The following WDFY3 variants were observed in gnomAD, a reference collection of about 807,000 sequenced individuals.
WDFY3 encodes WD repeat and FYVE domain containing 3.
WDFY3 carries 66 observed loss-of-function variants against 409.6 expected under a neutral mutation model. The ratio of observed to expected loss-of-function variants is 0.16; its 90% CI spans 0.13 to 0.20. The LOEUF is 0.20. WDFY3 is among the 10% of genes least tolerant of loss of function. The pLI is 1.00. For missense variants in WDFY3, 3,031 were observed against 4,298.1 expected (o/e 0.71, Z 8.24); for synonymous variants, 1,521 against 1,537.1 (o/e 0.99, Z 0.25).
chr4:84,826,627 A>G (rs1177197086), intron 10 of WDFY3, among the ~76,000 whole-genome samples, 188 bp downstream of exon 10: 1 of 152,160 alleles, frequency 6.6e-6, no homozygotes, highest in African/African-American at 2.4e-5. Flanking sequence ...ATTTTCAAGT[A>G]TTTGATCTGC....
chr4:84,809,889 G>A lies in WDFY3; in HGVS notation c.2343C>T (p.Asp781=). The A allele has an allele frequency of 6.2e-7, 1 of 1,613,638 alleles. No individual in the cohort carries two copies. The highest frequency in any genetic ancestry group is 8.5e-7 in the Non-Finnish European group (1 of 1,179,728). ...YLYKVATDSF[D]SRAEQIPPCL... Reference sequence around the variant, plus strand: ...CAGAGGACAGAGCAGAGCCATACCTGTCAAAAGAATCTGTGGCTACTTTGT... The same window carrying A: ...CAGAGGACAGAGCAGAGCCATACCTATCAAAAGAATCTGTGGCTACTTTGT... The change falls in exon 14 of 68, where the codon GAC becomes GAT. Residue 781 remains aspartate, a splice_region_variant and synonymous_variant. Coordinates refer to ENST00000295888, the MANE Select transcript of WDFY3 (RefSeq NM_014991.6).
At chr4:84,836,589 G>C (rs1248077044) in intron 7 of WDFY3, among the ~76,000 whole-genome samples, 1 of 151,710 alleles carries the variant, frequency 6.6e-6, no homozygotes, top group African/African-American at 2.4e-5. Context: ...ATAGAATTTT[G>C]AGACATTATA....
At chr4:84,847,484 C>T (rs1364238898) in intron 5 of WDFY3, among the ~76,000 whole-genome samples, 5 of 151,224 alleles carry the variant, frequency 3.3e-5, no homozygotes, top group Admixed American at 1.3e-4. Flanking sequence ...AAACAAGAAA[C>T]CGCCGGGCGC....
At chr4:84,857,241 A>G (rs1467565512) in intron 4 of WDFY3, among the ~76,000 whole-genome samples, 1 of 152,180 alleles carries the variant, frequency 6.6e-6, no homozygotes, top group Non-Finnish European at 1.5e-5. Flanking sequence ...AGGACATAAG[A>G]TAACTAAGTC....
rs975962711 is a variant in WDFY3, at chr4:84,703,081, C to T, written c.8443-575G>A. 8.1e-5 allele frequency among the ~76,000 whole-genome samples: 12 copies of T among 149,024 alleles called. 1 individual carries two copies. In the South Asian group the frequency reaches 2.1e-3, roughly 26 times the overall value. ...CACTGCACTCCAGCCTGGGGGATAG[C>T]GAGACTCTGTCTCAAAAAAAAAAAA... On this transcript the variant is annotated intron_variant, in intron 55 of 67. Transcript: ENST00000295888.
intron 3 of WDFY3, among the ~76,000 whole-genome samples, chr4:84,890,304 T>C (rs1057056358): frequency 6.6e-6 from 1 of 152,180 alleles, no homozygotes; most frequent in Non-Finnish European, 1.5e-5. Flanking sequence ...TTCACTATGT[T>C]GCCCAGGCTG....
intron 2 of WDFY3, among the ~76,000 whole-genome samples, chr4:84,912,284 C>A (rs144423684): frequency 7.9e-5 from 12 of 152,254 alleles, no homozygotes; most frequent in African/African-American, 2.9e-4. Context: ...CAGCTGCCGA[C>A]TATTTCAAGA....
At chr4:84,770,317 C>T (rs542178838) in intron 30 of WDFY3, among the ~76,000 whole-genome samples, 40 of 152,156 alleles carry the variant, frequency 2.6e-4, no homozygotes, top group African/African-American at 8.0e-4. Flanking sequence ...TGTGAGCCAC[C>T]GCGCCCGGCC....
In WDFY3 at chr4:84,692,928, A is replaced by C; in HGVS notation, c.9006T>G (p.Phe3002Leu). The C allele has an allele frequency of 6.2e-7, 1 of 1,613,246 alleles. No homozygotes were observed. Among genetic ancestry groups the C allele is most frequent in the African/African-American group, 1.3e-5 (1 of 75,030 alleles). ...LPGSTSDKIF[F>L]HHLDNLRPSL... is the part of the protein sequence containing the mutation. ...AAGGCCTCAAGTTGTCTAGATGATG[A>C]AAAAAGATCTTGTCACTTGTAGATC... The change falls in exon 59 of 68, where the codon TTT becomes TTG. Residue 3002 changes from phenylalanine to leucine, a missense_variant. Physicochemically the swap from Phe to Leu is conservative, Grantham distance 22 (BLOSUM62 0). Coordinates refer to ENST00000295888, the MANE Select transcript of WDFY3 (RefSeq NM_014991.6).
At chr4:84,907,706 C>T (rs1482989262) in intron 2 of WDFY3, among the ~76,000 whole-genome samples, 1 of 152,132 alleles carries the variant, frequency 6.6e-6, no homozygotes, top group African/African-American at 2.4e-5. Flanking sequence ...AATCTATATT[C>T]GTTCAAGCAA....
rs554627289 is a variant in WDFY3 at position 84,829,537 on chromosome 4, C to CAA, written c.770-349_770-348dup. ...TGATATAGTAACAAGATGAAAAAAG[C>CAA]AAAAAAACTATCTTCTAAGTTTAAG... is the stretch of plus-strand genomic sequence containing the variant. On this transcript the variant is annotated intron_variant, in intron 8 of 67. Transcript: ENST00000295888. Among the ~76,000 whole-genome samples the CAA allele has an allele frequency of 2.4e-3, 370 of 151,502 alleles. 2 individuals carry two copies. The highest frequency in any genetic ancestry group is 4.7e-3 in the Non-Finnish European group (318 of 67,832).
intron 24 of WDFY3, 95 bp from the exon 25 acceptor site, chr4:84,783,169 T>C (rs1448874937): frequency 2.7e-6 from 3 of 1,106,290 alleles, no homozygotes; most frequent in Non-Finnish European, 4.0e-6. Flanking sequence ...GTAACATATC[T>C]TTTCTCTCCT....
chr4:84,787,724 G>C lies in WDFY3; in HGVS notation c.3670-11C>G. The C allele has an allele frequency of 6.3e-7, 1 of 1,597,212 alleles. No individual in the cohort carries two copies. The highest frequency in any genetic ancestry group is 1.3e-5 in the African/African-American group (1 of 74,752). Reference sequence around the variant, plus strand: ...GTGGACATAATGAAGCTGTAAGGAAGACAAAAGCAAATGTGTGAGATGTGA... The same window carrying C: ...GTGGACATAATGAAGCTGTAAGGAACACAAAAGCAAATGTGTGAGATGTGA... On this transcript the variant is annotated splice_polypyrimidine_tract_variant and intron_variant, in intron 22 of 67. Coordinates refer to ENST00000295888, the MANE Select transcript of WDFY3 (RefSeq NM_014991.6).
chr4:84,721,674 A>C, intron 46 of WDFY3, 102 bp from the exon 47 acceptor site: 1 of 1,422,636 alleles, frequency 7.0e-7, no homozygotes, highest in Non-Finnish European at 9.4e-7. Context: ...AATTTGAGAC[A>C]ATTTTGGAAG....
chr4:84,794,769 T>A, intron 20 of WDFY3, 32 bp from the exon 21 acceptor site: 3 of 1,550,012 alleles, frequency 1.9e-6, no homozygotes, highest in Non-Finnish European at 2.6e-6. Flanking sequence ...AAAGTCTGTG[T>A]TGATTAATAT....
At chr4:84,787,419 A>C (rs1432386153) in intron 23 of WDFY3, 63 bp downstream of exon 23, 1 of 1,465,472 alleles carries the variant, frequency 6.8e-7, no homozygotes, top group Admixed American at 1.8e-5. Context: ...AGACACACAC[A>C]TGCATCTATA....
At chr4:84,865,569 G>A (rs1334351091) in intron 3 of WDFY3, among the ~76,000 whole-genome samples, 1 of 152,192 alleles carries the variant, frequency 6.6e-6, no homozygotes, top group African/African-American at 2.4e-5. Flanking sequence ...GGTCAGTTTA[G>A]CCAGAAGCCG....
At chr4:84,785,644 T>A (rs1375809942) in intron 24 of WDFY3, among the ~76,000 whole-genome samples, 1 of 152,216 alleles carries the variant, frequency 6.6e-6, no homozygotes, top group African/African-American at 2.4e-5. Context: ...GAATGTCACC[T>A]GGCACATAAT....
At chr4:84,703,766 C>A (rs1359807812) in intron 55 of WDFY3, among the ~76,000 whole-genome samples, 1 of 152,216 alleles carries the variant, frequency 6.6e-6, no homozygotes. Flanking sequence ...CTGTTCTCCC[C>A]ACTTCCCATC....
Sources: gnomAD v4.1 joint callset for allele counts (sites outside exome capture counted in the v4.1 genomes callset) on GRCh38, gnomAD v4.1.1 for gene constraint, MANE v1.5 for transcripts, NCBI Gene and HGNC (gene_info 2026-07-23, HGNC 2026-07-21) for gene names.